The following HOOK1 variants were observed in gnomAD, a reference collection of about 807,000 sequenced individuals.
The protein encoded by HOOK1 is hook microtubule tethering protein 1.
A neutral mutation model predicts 112.8 loss-of-function variants in HOOK1; 60 were observed. The ratio of observed to expected loss-of-function variants is 0.53; its 90% CI spans 0.43 to 0.66. The LOEUF is 0.66. Among genes scored for constraint, HOOK1 ranks in the 30% least tolerant of loss-of-function variants. The pLI, the probability that HOOK1 is intolerant of heterozygous loss-of-function variation, is 0.00. For missense variants in HOOK1, 770 were observed against 856.0 expected (o/e 0.90, Z 1.25); for synonymous variants, 294 against 283.8 (o/e 1.04, Z -0.36).
rs776878528 is a variant in HOOK1 at position 59,865,058 on chromosome 1, A to G, written c.1662-105A>G. The G allele has an allele frequency of 6.1e-5, 44 of 719,776 alleles. No homozygotes were observed. In the Admixed American group the frequency reaches 8.3e-4, roughly 14 times the overall value. The allele number at this position is 719,776 out of a possible 1,614,324, so 44.6% of individuals were successfully genotyped here. A position where few individuals can be genotyped will look rare whatever the true frequency, so the allele number is the denominator to read the frequency against. On this transcript the variant is annotated intron_variant, in intron 17 of 21. Coordinates refer to ENST00000371208, the MANE Select transcript of HOOK1 (RefSeq NM_015888.6). ...CAACCCCTGCAGTCATGCAGATAGT[A>G]TTCCCATTTCACAGATGAGGAACCA...
intron 15 of HOOK1, 141 bp from the exon 16 acceptor site, chr1:59,862,643 C>T (rs1464752490): frequency 1.1e-5 from 6 of 569,988 alleles, no homozygotes; most frequent in East Asian, 5.6e-5. Flanking sequence ...CATATTGTAC[C>T]TAGGCACAGA....
intron 14 of HOOK1, among the ~76,000 whole-genome samples, 160 bp from the exon 15 acceptor site, chr1:59,860,028 T>C (rs964001128): frequency 1.3e-5 from 2 of 152,152 alleles, no homozygotes; most frequent in Non-Finnish European, 2.9e-5. Context: ...AAGCTTTTGT[T>C]GGAGTTTAAG....
intron 19 of HOOK1, 131 bp from the exon 20 acceptor site, chr1:59,868,119 A>T (rs537096785): frequency 1.7e-6 from 1 of 586,706 alleles, no homozygotes; most frequent in East Asian, 2.9e-5. Flanking sequence ...TTGTAAAACA[A>T]GCTACAGTTA....
At chr1:59,850,427 T>G (rs760423270) in intron 12 of HOOK1, among the ~76,000 whole-genome samples, 8 of 151,426 alleles carry the variant, frequency 5.3e-5, no homozygotes, top group Non-Finnish European at 1.2e-4. Context: ...TTGGTGATGT[T>G]TCTAAAAAAA....
intron 2 of HOOK1, among the ~76,000 whole-genome samples, chr1:59,823,862 A>G (rs2098387783): frequency 6.6e-6 from 1 of 152,222 alleles, no homozygotes; most frequent in Admixed American, 6.5e-5. Context: ...TTCTGCAGTA[A>G]CAATAAAATA....
At position 59,872,780 on chromosome 1, in the gene HOOK1, G is replaced by T; in HGVS notation, c.2017-15G>T. 1.8e-6 allele frequency: 2 copies of T among 1,106,690 alleles called. No individual in the cohort carries two copies. The highest frequency in any genetic ancestry group is 2.4e-6 in the Non-Finnish European group (2 of 835,944). The allele number at this position is 1,106,690 out of a possible 1,614,324, so 68.6% of individuals were successfully genotyped here. On this transcript the variant is annotated splice_polypyrimidine_tract_variant and intron_variant, in intron 21 of 21. Coordinates refer to ENST00000371208, the MANE Select transcript of HOOK1 (RefSeq NM_015888.6). The stretch of plus-strand genomic sequence containing the variant: ...TAGTCATGTTAAATAAAAAATATAT[G>T]TTTTTTTTTTTCAGAGTCTAGCATT...
intron 21 of HOOK1, among the ~76,000 whole-genome samples, chr1:59,871,534 C>T (rs1054516813): frequency 6.6e-6 from 1 of 152,082 alleles, no homozygotes; most frequent in African/African-American, 2.4e-5. Flanking sequence ...CTCAGTGTGT[C>T]CTTTACTGTA....
At chr1:59,854,908 A>C (rs1292971162) in intron 12 of HOOK1, among the ~76,000 whole-genome samples, 1 of 152,234 alleles carries the variant, frequency 6.6e-6, no homozygotes, top group Admixed American at 6.5e-5. Flanking sequence ...CAAAAATGCA[A>C]GATATACAAA....
At chr1:59,858,913 G>A (rs754082917) in intron 13 of HOOK1, 72 bp from the exon 14 acceptor site, 3 of 760,856 alleles carry the variant, frequency 3.9e-6, no homozygotes, top group Non-Finnish European at 4.2e-6. Context: ...GAGAGGGAGG[G>A]GGGGAAGGAG....
rs372148727 is a variant in HOOK1, at chr1:59,865,178, G to A, written c.1677G>A (p.Glu559=). The part of the protein sequence containing the change: ...KLEAHMEKLT[E]VHEELQKKQE... Reference sequence around the variant, plus strand: ...TACCACTTAGGGAAAAACTCACAGAGGTCCATGAAGAATTACAGAAGAAAC... The same window carrying A: ...TACCACTTAGGGAAAAACTCACAGAAGTCCATGAAGAATTACAGAAGAAAC... Residue 559 remains glutamate (E), a synonymous_variant, in exon 18 of 22, where the codon GAG becomes GAA. Coordinates refer to ENST00000371208, the MANE Select transcript of HOOK1 (RefSeq NM_015888.6). The A allele has an allele frequency of 1.6e-5, 25 of 1,603,920 alleles. No individual in the cohort carries two copies. The African/African-American group carries it at 2.8e-4, about 18-fold the overall frequency.
chr1:59,821,804 G>T, intron 1 of HOOK1, 54 bp from the exon 2 acceptor site: 38 of 1,107,286 alleles, frequency 3.4e-5, no homozygotes, highest in South Asian at 1.6e-4. Context: ...ATTTTGTAAT[G>T]CTACCTTGTA....
At chr1:59,830,301 C>A (rs2098392888) in intron 3 of HOOK1, among the ~76,000 whole-genome samples, 2 of 151,994 alleles carry the variant, frequency 1.3e-5, no homozygotes, top group Non-Finnish European at 2.9e-5. Flanking sequence ...CCTTAAATCT[C>A]TAATGATGAT....
intron 4 of HOOK1, 48 bp downstream of exon 4, chr1:59,832,261 ATTACT>A (rs760761606): frequency 3.5e-6 from 4 of 1,142,784 alleles, no homozygotes; most frequent in Admixed American, 4.6e-5. Flanking sequence ...CTATACGAAA[ATTACT>A]TTAAGACTGA....
At chr1:59,858,555 G>A in intron 13 of HOOK1, 40 bp downstream of exon 13, 5 of 1,283,266 alleles carry the variant, frequency 3.9e-6, no homozygotes, top group Non-Finnish European at 5.7e-6. Context: ...AGCCTGGGCA[G>A]CATAGTGGGA....
chr1:59,863,103 A>G (rs1159102489), intron 16 of HOOK1, among the ~76,000 whole-genome samples: 1 of 152,156 alleles, frequency 6.6e-6, no homozygotes, highest in African/African-American at 2.4e-5. Flanking sequence ...TTCAACAGCT[A>G]TACCAAAGTT....
chr1:59,828,045 AGG>A (rs1253273498), intron 2 of HOOK1, among the ~76,000 whole-genome samples: 1 of 152,166 alleles, frequency 6.6e-6, no homozygotes, highest in African/African-American at 2.4e-5. Flanking sequence ...AAGAGTCAAA[AGG>A]GTAAATTATC....
At chr1:59,825,879 T>A (rs2098389524) in intron 2 of HOOK1, among the ~76,000 whole-genome samples, 2 of 152,050 alleles carry the variant, frequency 1.3e-5, no homozygotes, top group African/African-American at 4.8e-5. Flanking sequence ...TATAGATAGA[T>A]GTCCATGTAA....
rs921635588 is a variant in HOOK1 at position 59,873,757 on chromosome 1, A to G, written c.*792A>G. The G allele has an allele frequency of 1.4e-5, 2 of 143,702 alleles. No individual in the cohort carries two copies. Among genetic ancestry groups the G allele is most frequent in the Admixed American group, 6.9e-5 (1 of 14,392 alleles). The allele number at this position is 143,702 out of a possible 1,614,324, so 8.9% of individuals were successfully genotyped here. A position where few individuals can be genotyped will look rare whatever the true frequency, so the allele number is the denominator to read the frequency against. On this transcript the variant is annotated 3_prime_UTR_variant, in exon 22 of 22. Coordinates refer to ENST00000371208, the MANE Select transcript of HOOK1 (RefSeq NM_015888.6). The stretch of plus-strand genomic sequence containing the variant: ...TATATATATATATATATATATATAT[A>G]TATATATACTTTTTGTGAAATGTCT...
intron 7 of HOOK1, among the ~76,000 whole-genome samples, chr1:59,837,554 C>T (rs2098398549): frequency 6.6e-6 from 1 of 151,930 alleles, no homozygotes; most frequent in African/African-American, 2.4e-5. Flanking sequence ...TGTGTTTTTT[C>T]CTAAACATTT....
Sources: gnomAD v4.1 joint callset for allele counts (sites outside exome capture counted in the v4.1 genomes callset) on GRCh38, gnomAD v4.1.1 for gene constraint, MANE v1.5 for transcripts, NCBI Gene and HGNC (gene_info 2026-07-23, HGNC 2026-07-21) for gene names.